SRRM1: variants seen among roughly 807,000 people sequenced by gnomAD.
SRRM1 encodes the protein serine and arginine repetitive matrix 1.
SRRM1 carries 19 observed loss-of-function variants against 110.2 expected under a neutral mutation model. That is an observed-to-expected ratio of 0.17 (90% CI 0.12 to 0.25). The LOEUF (loss-of-function observed/expected upper bound fraction) is 0.25. Ranked by LOEUF, SRRM1 falls within the 10% of genes least tolerant of loss-of-function variation. SRRM1 has a pLI of 1.00. For synonymous variants in SRRM1, 443 were observed against 414.9 expected (o/e 1.07, Z -0.82); for missense variants, 918 against 1,145.8 (o/e 0.80, Z 2.87).
chr1:24,655,153 C>T, intron 9 of SRRM1, 24 bp downstream of exon 9: 1 of 1,609,662 alleles, frequency 6.2e-7, no homozygotes, highest in African/African-American at 1.3e-5. Context: ...ACATATGAAA[C>T]ATGGTCTCTC....
At chr1:24,667,040 G>T (rs1670360853) in intron 13 of SRRM1, 115 bp downstream of exon 13, 2 of 633,428 alleles carry the variant, frequency 3.2e-6, no homozygotes, top group Middle Eastern at 2.6e-4. Flanking sequence ...CACAGCTCAT[G>T]TGTGCATGTG....
chr1:24,643,919 C>T (rs1376798405), intron 1 of SRRM1, among the ~76,000 whole-genome samples: 4 of 152,166 alleles, frequency 2.6e-5, no homozygotes, highest in Non-Finnish European at 5.9e-5. Context: ...TTCGCGGGAG[C>T]TCCCGCCCAA....
Position 24,652,505 on chromosome 1 carries a change from A to G in SRRM1, c.797A>G (p.Lys266Arg). 6.2e-7 allele frequency: 1 copy of G among 1,613,212 alleles called. No homozygotes were observed. The highest frequency in any genetic ancestry group is 8.5e-7 in the Non-Finnish European group (1 of 1,179,738). The change falls in exon 7 of 17, where the codon AAA (lysine) becomes AGA (arginine). Residue 266 changes from lysine to arginine, a missense_variant. Lys to Arg is a conservative substitution (Grantham distance 26). Around this residue, in one of 5 missense-constraint regions of SRRM1, gnomAD observed 456 missense variants for 453.5 expected, o/e 1.01. Transcript: ENST00000323848. ...GAACCTTCTCCGGAAAAAAATTCCA[A>G]AAAAGAAAAGGAGAAGGAGAAGACC... Reference protein sequence around the residue: ...PKEPSPEKNSKKEKEKEKTRP... With the variant: ...PKEPSPEKNSRKEKEKEKTRP...
In SRRM1 at chr1:24,663,102, C is replaced by A. The variant is rs935175320; in HGVS notation, c.1628+298C>A. 2.8e-5 allele frequency: 36 copies of A among 1,274,444 alleles called. No homozygotes were observed. The Middle Eastern group carries it at 2.5e-3, about 88-fold the overall frequency. 78.9% of individuals were successfully genotyped at this position (1,274,444 alleles called of 1,614,324 possible). On this transcript the variant is annotated intron_variant, in intron 12 of 16. Transcript: ENST00000323848. ...CATCTTTGAATATTTAAAAATGTCT[C>A]CATTAATGGTACTTAATCCACCCAA...
At position 24,670,225 on chromosome 1, in the gene SRRM1, C is replaced by G. The variant is rs369669439; in HGVS notation, c.2310C>G (p.Pro770=). ...AAAAGCCCCCAGCACCTCCATCCCC[C>G]GTCCAGTCTCAGTCACCGTCTACAA... ...AAKKPPAPPS[P]VQSQSPSTNW... The change falls in exon 15 of 17, where the codon CCC becomes CCG. Residue 770 remains proline, a synonymous_variant. Transcript: ENST00000323848. 4 of 1,614,134 alleles carry G rather than the reference C, an allele frequency of 2.5e-6. No homozygotes were observed. In the East Asian group the frequency reaches 8.9e-5, roughly 36 times the overall value.
intron 9 of SRRM1, among the ~76,000 whole-genome samples, chr1:24,655,562 G>A (rs1253599549): frequency 6.6e-6 from 1 of 152,102 alleles, no homozygotes; most frequent in African/African-American, 2.4e-5. Context: ...CCAAGCAAAG[G>A]ACATGGTGTC....
intron 5 of SRRM1, among the ~76,000 whole-genome samples, chr1:24,650,336 A>G (rs947931494): frequency 1.3e-5 from 2 of 152,224 alleles, no homozygotes; most frequent in Non-Finnish European, 2.9e-5. Flanking sequence ...TCAAAACTTT[A>G]AACTTTTTCT....
intron 5 of SRRM1, 26 bp from the exon 6 acceptor site, chr1:24,651,383 C>G (rs1311674025): frequency 1.3e-6 from 2 of 1,595,156 alleles, no homozygotes. Flanking sequence ...TATTTAAAAA[C>G]CTGAAAAAAA....
rs369384360 is a variant in SRRM1 at position 24,651,389 on chromosome 1, A to G, written c.522-20A>G. On this transcript the variant is annotated intron_variant, in intron 5 of 16. Coordinates refer to ENST00000323848, the MANE Select transcript of SRRM1 (RefSeq NM_005839.4). ...AATCCATGTTATTTAAAAACCTGAA[A>G]AAAATTACTTTCATCCTAGACGCAA... is the stretch of plus-strand genomic sequence containing the variant. 1.4e-5 allele frequency: 22 copies of G among 1,604,978 alleles called. No individual in the cohort carries two copies. The African/African-American group carries it at 2.8e-4, about 21-fold the overall frequency.
chr1:24,669,362 A>G lies in SRRM1; in HGVS notation c.1979A>G (p.His660Arg). 1 of 1,614,120 alleles carries G rather than the reference A, an allele frequency of 6.2e-7. No individual in the cohort carries two copies. Among genetic ancestry groups the G allele is most frequent in the Non-Finnish European group, 8.5e-7 (1 of 1,180,036 alleles). Residue 660 changes from histidine to arginine, a missense_variant, in exon 14 of 17, where the codon CAT becomes CGT. Around this residue, in one of 5 missense-constraint regions of SRRM1, gnomAD observed 357 missense variants for 402.9 expected, o/e 0.89. Transcript: ENST00000323848. ...CGTTCACCTTCATTATCATCCAAGC[A>G]TAGGAAAGGGTCTTCCCCAAGCCGC... ...KRRSPSLSSK[H>R]RKGSSPSRST...
At chr1:24,666,606 T>C (rs1212327208) in intron 12 of SRRM1, 7 of 448,470 alleles carry the variant, frequency 1.6e-5, no homozygotes, top group Non-Finnish European at 2.1e-5. Context: ...TACAAAAATA[T>C]TTTAAAAAAT....
chr1:24,662,634 A>G (rs771346584), intron 11 of SRRM1, 26 bp from the exon 12 acceptor site: 4 of 1,607,758 alleles, frequency 2.5e-6, no homozygotes, highest in Non-Finnish European at 3.4e-6. Context: ...ACCTAATGTA[A>G]TATTTTTTTA....
At position 24,655,067 on chromosome 1, in the gene SRRM1, A is replaced by G. The variant is rs779990813; in HGVS notation, c.1253A>G (p.Gln418Arg). ...AAAACTCGGCATTCCCCTACACCCC[A>G]GCAGTCAAACCGTACAAGAAAAAGT... The part of the protein sequence containing the change: ...PPKTRHSPTP[Q>R]QSNRTRKSRV... The change falls in exon 9 of 17, where the codon CAG (glutamine) becomes CGG (arginine). Residue 418 changes from glutamine (Q) to arginine (R), a missense_variant. Coordinates refer to ENST00000323848, the MANE Select transcript of SRRM1 (RefSeq NM_005839.4). The G allele has an allele frequency of 1.9e-6, 3 of 1,614,196 alleles. No homozygotes were observed. Among genetic ancestry groups the G allele is most frequent in the East Asian group, 4.5e-5 (2 of 44,886 alleles).
At chr1:24,661,968 C>T (rs1001479586) in intron 11 of SRRM1, among the ~76,000 whole-genome samples, 6 of 152,072 alleles carry the variant, frequency 3.9e-5, no homozygotes, top group Non-Finnish European at 7.4e-5. Flanking sequence ...CACCTGTAAT[C>T]CCAGTTACTT....
At chr1:24,645,345 G>A (rs1037456765) in intron 1 of SRRM1, among the ~76,000 whole-genome samples, 4 of 152,160 alleles carry the variant, frequency 2.6e-5, no homozygotes, top group South Asian at 2.1e-4. Flanking sequence ...AGTTATTTCC[G>A]TGTTTAATTG....
chr1:24,652,065 TAC>T (rs528640805), intron 6 of SRRM1, among the ~76,000 whole-genome samples: 119 of 134,270 alleles, frequency 8.9e-4, no homozygotes, highest in African/African-American at 3.2e-3. Flanking sequence ...TATATATATG[TAC>T]ACACACACAC....
rs752616501 is a variant in SRRM1 at position 24,652,473 on chromosome 1, G to T, written c.765G>T (p.Glu255Asp). 1 of 1,604,756 alleles carries T rather than the reference G, an allele frequency of 6.2e-7. No individual in the cohort carries two copies. Among genetic ancestry groups the T allele is most frequent in the Non-Finnish European group, 8.5e-7 (1 of 1,176,790 alleles). ...TTCCCAAACCTGAACCTATACCAGA[G>T]CCTAAAGAACCTTCTCCGGAAAAAA... Reference protein sequence around the residue: ...LKVPKPEPIPEPKEPSPEKNS... With the variant: ...LKVPKPEPIPDPKEPSPEKNS... The change falls in exon 7 of 17, where the codon GAG becomes GAT. Residue 255 changes from glutamate (E) to aspartate (D), a missense_variant. Transcript: ENST00000323848.
At chr1:24,652,761 TGAG>T in intron 7 of SRRM1, 133 bp downstream of exon 7, 1 of 1,301,908 alleles carries the variant, frequency 7.7e-7, no homozygotes, top group Non-Finnish European at 1.0e-6. Context: ...ACAGAGAATT[TGAG>T]GACACTTTTC....
chr1:24,657,199 C>T (rs960034427), intron 9 of SRRM1, among the ~76,000 whole-genome samples: 2 of 152,210 alleles, frequency 1.3e-5, no homozygotes, highest in African/African-American at 4.8e-5. Context: ...AGCCACCACA[C>T]CCGGCCCAGA....
Sources: gnomAD v4.1 joint callset for allele counts (sites outside exome capture counted in the v4.1 genomes callset) on GRCh38, gnomAD v4.1.1 for gene constraint, gnomAD v4.1.1 regional missense constraint, MANE v1.5 for transcripts, NCBI Gene and HGNC (gene_info 2026-07-23, HGNC 2026-07-21) for gene names.